The following FBN1 variants were observed in gnomAD, a reference collection of about 807,000 sequenced individuals.
FBN1 encodes fibrillin-1.
A neutral mutation model predicts 365.1 loss-of-function variants in FBN1; 29 were observed. That is an observed-to-expected ratio of 0.08 (90% confidence interval 0.06 to 0.11). The LOEUF (loss-of-function observed/expected upper bound fraction) is 0.11, where lower values mean the gene tolerates loss of function less well. Among genes scored for constraint, FBN1 ranks in the 10% least tolerant of loss-of-function variants. The probability of loss-of-function intolerance (pLI) is 1.00; values close to 1 mark genes in which losing one functional copy is unlikely to be tolerated. For synonymous variants in FBN1, 1,210 were observed against 1,270.5 expected, an observed-to-expected ratio of 0.95 and a Z score of 1.01; for missense variants, 2,476 against 3,703.2, an observed-to-expected ratio of 0.67 and a Z score of 8.60.
intron 52 of FBN1, 111 bp downstream of exon 52, chr15:48,437,210 CA>C: frequency 8.3e-7 from 1 of 1,199,790 alleles, no homozygotes; most frequent in Non-Finnish European, 1.2e-6. Flanking sequence ...AATGAAGGGA[CA>C]AAAAAGTAGC....
rs1489806847 is a variant in FBN1, at chr15:48,644,708, G to A, written c.62C>T (p.Thr21Met). The A allele has an allele frequency of 7.4e-6, 12 of 1,613,976 alleles. No individual in the cohort carries two copies. The Admixed American group carries it at 1.7e-4, about 22-fold the overall frequency. ...LGFTVLLASY[T>M]SHGADANLEA... ...CAAATTGGCGTCCGCCCCATGGCTC[G>A]TGTAGGACGCTAAAAGCACGGTAAA... The change falls in exon 2 of 66, where the codon ACG becomes ATG. Residue 21 changes from threonine to methionine, a missense_variant. Physicochemically the swap from Thr to Met is moderately conservative, Grantham distance 81. Coordinates refer to ENST00000316623, the MANE Select transcript of FBN1 (RefSeq NM_000138.5).
chr15:48,491,390 G>A (rs2043557117), intron 24 of FBN1, among the ~76,000 whole-genome samples: 1 of 143,950 alleles, frequency 6.9e-6, no homozygotes, highest in Admixed American at 7.1e-5. Flanking sequence ...TCACTCTTTT[G>A]CCTAGGCCGG....
rs1555399731 is a variant in FBN1 at position 48,503,312 on chromosome 15, AAAG to A, written c.2113+472_2113+474del. ...ACTCCATCTCAAAAAAAAAAAAAAA[AAAG>A]AAGAAGAAGAAGAAGAAAGAAAAAG... On this transcript the variant is annotated intron_variant, in intron 17 of 65. Coordinates refer to ENST00000316623, the MANE Select transcript of FBN1 (RefSeq NM_000138.5). Among the ~76,000 whole-genome samples, 1,104 of 145,066 alleles carry A rather than the reference AAAG, an allele frequency of 7.6e-3. 38 individuals are homozygous for A. Among genetic ancestry groups the A allele is most frequent in the African/African-American group, 0.012 (450 of 38,158 alleles).
At chr15:48,625,377 C>G (rs1377926829) in intron 2 of FBN1, among the ~76,000 whole-genome samples, 1 of 152,150 alleles carries the variant, frequency 6.6e-6, no homozygotes, top group Non-Finnish European at 1.5e-5. Context: ...CTTGGCCACT[C>G]AAACCCACCA....
intron 6 of FBN1, among the ~76,000 whole-genome samples, chr15:48,586,695 C>A (rs1012727762): frequency 1.3e-5 from 2 of 152,008 alleles, no homozygotes; most frequent in Non-Finnish European, 2.9e-5. Flanking sequence ...TCTTAGGAAC[C>A]CAAAAGGTGA....
At chr15:48,596,409 T>C (rs768064579) in intron 5 of FBN1, 31 bp from the exon 6 acceptor site, 3 of 1,588,212 alleles carry the variant, frequency 1.9e-6, no homozygotes, top group South Asian at 2.2e-5. Context: ...TGAGACGCTT[T>C]ACCTGAAAAT....
chr15:48,583,011 A>G (rs1199895952), intron 6 of FBN1, among the ~76,000 whole-genome samples: 3 of 152,220 alleles, frequency 2.0e-5, no homozygotes, highest in African/African-American at 7.2e-5. Context: ...CAGAGCTCCT[A>G]TTCCCAGCGT....
intron 32 of FBN1, chr15:48,476,610 C>CTTTTTTTTTTTTTTTTTTTTTT (rs56969171): frequency 8.3e-6 from 1 of 120,008 alleles, no homozygotes; most frequent in Non-Finnish European, 1.7e-5. Flanking sequence ...CTTTTCTTTT[C>CTTTTTTTTTTTTTTTTTTTTTT]TTTTTTTTTT....
At chr15:48,471,714 G>A (rs945612512) in intron 35 of FBN1, among the ~76,000 whole-genome samples, 1 of 152,190 alleles carries the variant, frequency 6.6e-6, no homozygotes, top group Non-Finnish European at 1.5e-5. Context: ...TTGTTAACAA[G>A]GAACAACTAT....
At chr15:48,425,928 G>T in intron 58 of FBN1, 64 bp from the exon 59 acceptor site, 1 of 1,299,684 alleles carries the variant, frequency 7.7e-7, no homozygotes, top group Non-Finnish European at 1.1e-6. Flanking sequence ...ATATGTAGGG[G>T]GTCACTTCAG....
chr15:48,427,446 G>A (rs1597517621), intron 58 of FBN1, 121 bp downstream of exon 58: 1 of 1,023,202 alleles, frequency 9.8e-7, no homozygotes, highest in South Asian at 1.4e-5. Context: ...AATTTTTGTT[G>A]GCCTCAGCTG....
At chr15:48,540,096 A>G (rs1389755863) in intron 6 of FBN1, among the ~76,000 whole-genome samples, 2 of 152,220 alleles carry the variant, frequency 1.3e-5, no homozygotes, top group African/African-American at 4.8e-5. Context: ...GTGAAATACC[A>G]AAGTCATCTT....
intron 6 of FBN1, among the ~76,000 whole-genome samples, chr15:48,589,875 C>G (rs958707028): frequency 6.6e-6 from 1 of 152,154 alleles, no homozygotes; most frequent in African/African-American, 2.4e-5. Context: ...CCCGGCCTCC[C>G]AAAGTGCTGG....
In FBN1 at chr15:48,420,704, T is replaced by C. The variant is rs1455161701; in HGVS notation, c.7802A>G (p.Gln2601Arg). The change falls in exon 63 of 66, where the codon CAG becomes CGG. Residue 2601 changes from glutamine (Q) to arginine (R), a missense_variant. By Grantham distance (43) the Gln-to-Arg change is conservative (BLOSUM62 1). Transcript: ENST00000316623. ...TTACTTGCCAACACACTGGTTCCAC[T>C]GGTAGTGCTGGAGGTAGCCCTGGGG... ...SCPQGYLQHY[Q>R]WNQCVDENEC... 6.2e-7 allele frequency: 1 copy of C among 1,614,172 alleles called. No homozygotes were observed.
intron 9 of FBN1, among the ~76,000 whole-genome samples, chr15:48,521,123 T>G (rs1041106401): frequency 1.3e-5 from 2 of 152,202 alleles, no homozygotes; most frequent in Admixed American, 6.5e-5. Flanking sequence ...AGAAAATCAC[T>G]AGCAGTGACA....
chr15:48,487,181 C>T lies in FBN1; in HGVS notation c.3483G>A (p.Leu1161=). The change falls in exon 29 of 66, where the codon CTG becomes CTA. Residue 1161 remains leucine, a synonymous_variant. Transcript: ENST00000316623. Reference sequence around the variant, plus strand: ...GGCCATTGGGGCACAGGTGTGCACTCAGCTCACATTCATTGATGTCTGTCG... The same window carrying T: ...GGCCATTGGGGCACAGGTGTGCACTTAGCTCACATTCATTGATGTCTGTCG... ...SACIDINECE[L]SAHLCPNGRC... 6.2e-7 allele frequency: 1 copy of T among 1,614,172 alleles called. No individual in the cohort carries two copies. Among genetic ancestry groups the T allele is most frequent in the Non-Finnish European group, 8.5e-7 (1 of 1,180,022 alleles).
chr15:48,567,532 T>A (rs1461381988), intron 6 of FBN1, among the ~76,000 whole-genome samples: 1 of 151,902 alleles, frequency 6.6e-6, no homozygotes, highest in Non-Finnish European at 1.5e-5. Flanking sequence ...AGACCAATAT[T>A]CCCAATGAAC....
rs1555398171 is a variant in FBN1 at position 48,481,766 on chromosome 15, C to G, written c.3853G>C (p.Asp1285His). Residue 1285 changes from aspartate to histidine, a missense_variant, in exon 32 of 66, where the codon GAC becomes CAC. Coordinates refer to ENST00000316623, the MANE Select transcript of FBN1 (RefSeq NM_000138.5). ...MKTCVDVNEC[D>H]LNPNICLSGT... ...CTTAGGCAGATATTTGGATTCAGGT[C>G]ACACTCATTGACATCTGTAAAACAT... 1.2e-6 allele frequency: 2 copies of G among 1,613,276 alleles called. No individual in the cohort carries two copies. The highest frequency in any genetic ancestry group is 1.7e-6 in the Non-Finnish European group (2 of 1,179,444).
At chr15:48,626,775 G>A (rs940436438) in intron 2 of FBN1, among the ~76,000 whole-genome samples, 1 of 151,326 alleles carries the variant, frequency 6.6e-6, no homozygotes, top group Non-Finnish European at 1.5e-5. Flanking sequence ...TTAGATATGT[G>A]GAAAACTTTT....
Sources: gnomAD v4.1 joint callset for allele counts (sites outside exome capture counted in the v4.1 genomes callset) on GRCh38, gnomAD v4.1.1 for gene constraint, MANE v1.5 for transcripts, NCBI Gene and HGNC (gene_info 2026-07-23, HGNC 2026-07-21) for gene names.